Variants in ARHGAP15 observed in about 807,000 individuals in gnomAD.
The protein encoded by ARHGAP15 is rho GTPase-activating protein 15.
In ARHGAP15, 51 loss-of-function variants were observed where a neutral mutation model predicts 63.7. The observed-to-expected ratio is 0.80, with a 90% CI of 0.64 to 1.01. The LOEUF (loss-of-function observed/expected upper bound fraction) is 1.01. Ranked by LOEUF, ARHGAP15 falls within the 50% of genes least tolerant of loss-of-function variation. The pLI is 0.00. For missense variants in ARHGAP15, 560 were observed against 564.6 expected, an observed-to-expected ratio of 0.99 and a Z score of 0.08; for synonymous variants, 191 against 193.8, an observed-to-expected ratio of 0.99 and a Z score of 0.12.
chr2:143,561,020 G>A (rs541536667), intron 11 of ARHGAP15, among the ~76,000 whole-genome samples: 28 of 152,306 alleles, frequency 1.8e-4, no homozygotes, highest in African/African-American at 4.8e-4. Flanking sequence ...GCGACATTGC[G>A]TTGATTCTTC....
chr2:143,639,938 T>C (rs1680527605), intron 12 of ARHGAP15, among the ~76,000 whole-genome samples: 1 of 152,150 alleles, frequency 6.6e-6, no homozygotes, highest in Non-Finnish European at 1.5e-5. Flanking sequence ...CTTAATAGTA[T>C]TGTAAGAGTA....
intron 1 of ARHGAP15, among the ~76,000 whole-genome samples, chr2:143,152,025 A>T (rs1413558334): frequency 6.6e-6 from 1 of 151,870 alleles, no homozygotes; most frequent in Non-Finnish European, 1.5e-5. Context: ...CAATTCATCC[A>T]CAAAAAAACA....
At chr2:143,441,372 G>A (rs907784931) in intron 8 of ARHGAP15, among the ~76,000 whole-genome samples, 7 of 152,132 alleles carry the variant, frequency 4.6e-5, no homozygotes, top group African/African-American at 1.7e-4. Context: ...ACAGTAGAAA[G>A]GAGCCAAGAA....
intron 10 of ARHGAP15, among the ~76,000 whole-genome samples, chr2:143,547,207 G>C (rs959493993): frequency 1.3e-5 from 2 of 152,126 alleles, no homozygotes; most frequent in Non-Finnish European, 2.9e-5. Flanking sequence ...GCTGAGCTTA[G>C]AGAGATATGT....
At chr2:143,611,864 C>A (rs1316779552) in intron 11 of ARHGAP15, among the ~76,000 whole-genome samples, 3 of 152,142 alleles carry the variant, frequency 2.0e-5, no homozygotes, top group Non-Finnish European at 4.4e-5. Context: ...GGTTCATTCC[C>A]CCTTTACCAC....
At chr2:143,734,732 G>T (rs1685678732) in intron 13 of ARHGAP15, among the ~76,000 whole-genome samples, 1 of 152,160 alleles carries the variant, frequency 6.6e-6, no homozygotes, top group Admixed American at 6.5e-5. Context: ...GATGATAAAG[G>T]TCCTATTTTA....
At chr2:143,379,138 A>G (rs1000318950) in intron 6 of ARHGAP15, among the ~76,000 whole-genome samples, 11 of 152,010 alleles carry the variant, frequency 7.2e-5, no homozygotes, top group South Asian at 2.1e-4. Flanking sequence ...TGATTAATCA[A>G]TTGTCTCAAG....
intron 6 of ARHGAP15, among the ~76,000 whole-genome samples, chr2:143,284,761 C>T (rs1206351727): frequency 6.6e-6 from 1 of 152,112 alleles, no homozygotes; most frequent in East Asian, 1.9e-4. Context: ...ATCAAACATC[C>T]AGAAACTACA....
At chr2:143,622,511 C>T (rs563067018) in intron 11 of ARHGAP15, among the ~76,000 whole-genome samples, 28 of 152,166 alleles carry the variant, frequency 1.8e-4, no homozygotes, top group African/African-American at 3.9e-4. Flanking sequence ...AAGATGCTGT[C>T]GGCCTATTTC....
intron 13 of ARHGAP15, among the ~76,000 whole-genome samples, chr2:143,737,900 G>A (rs967641634): frequency 6.6e-6 from 1 of 152,082 alleles, no homozygotes; most frequent in African/African-American, 2.4e-5. Context: ...GGAATTACAG[G>A]CATGCGCCAC....
At chr2:143,161,329 G>C (rs1690287543) in intron 2 of ARHGAP15, among the ~76,000 whole-genome samples, 1 of 151,908 alleles carries the variant, frequency 6.6e-6, no homozygotes, top group African/African-American at 2.4e-5. Context: ...TCAAATCGCT[G>C]CCAGTTCAGA....
intron 9 of ARHGAP15, among the ~76,000 whole-genome samples, chr2:143,505,267 C>A (rs993335825): frequency 1.3e-5 from 2 of 152,118 alleles, no homozygotes; most frequent in Non-Finnish European, 2.9e-5. Context: ...TCTCTAAGTC[C>A]CCTCCCTCCA....
intron 6 of ARHGAP15, among the ~76,000 whole-genome samples, chr2:143,366,210 T>C (rs1472570146): frequency 6.6e-6 from 1 of 152,142 alleles, no homozygotes; most frequent in Non-Finnish European, 1.5e-5. Flanking sequence ...AAATATGCTA[T>C]TTTTTCAAGT....
intron 6 of ARHGAP15, among the ~76,000 whole-genome samples, chr2:143,387,867 A>G (rs1430698836): frequency 6.6e-6 from 1 of 150,986 alleles, no homozygotes; most frequent in African/African-American, 2.4e-5. Context: ...GGACGCACAT[A>G]CACATACACG....
chr2:143,519,493 T>C, intron 10 of ARHGAP15, 129 bp downstream of exon 10: 2 of 598,410 alleles, frequency 3.3e-6, no homozygotes, highest in Non-Finnish European at 5.9e-6. Context: ...GTTAATCGGT[T>C]AAGAGGATCA....
chr2:143,720,597 T>C (rs941349375), intron 13 of ARHGAP15, among the ~76,000 whole-genome samples: 1 of 152,076 alleles, frequency 6.6e-6, no homozygotes, highest in African/African-American at 2.4e-5. Flanking sequence ...CGAAGGGGGA[T>C]TCGAATGAAT....
intron 10 of ARHGAP15, among the ~76,000 whole-genome samples, chr2:143,526,395 C>T (rs1441342421): frequency 6.6e-6 from 1 of 151,466 alleles, no homozygotes. Flanking sequence ...CCAACCTCCA[C>T]CCCCAATGTA....
chr2:143,330,172 G>A (rs1684483466), intron 6 of ARHGAP15, among the ~76,000 whole-genome samples: 1 of 138,958 alleles, frequency 7.2e-6, no homozygotes, highest in Non-Finnish European at 1.5e-5. Context: ...TAATTTCAGG[G>A]GGAAAATTGG....
intron 12 of ARHGAP15, among the ~76,000 whole-genome samples, chr2:143,653,376 T>C (rs571487105): frequency 9.2e-4 from 140 of 152,252 alleles, no homozygotes; most frequent in African/African-American, 3.3e-3. Flanking sequence ...CTGGCCCTAA[T>C]TGAATGAGCT....
Sources: allele counts gnomAD v4.1 joint callset (sites outside exome capture counted in the v4.1 genomes callset), GRCh38; gene constraint gnomAD v4.1.1; transcripts MANE v1.5; gene names NCBI Gene and HGNC (gene_info 2026-07-23, HGNC 2026-07-21).